Variants in NUB1 observed in about 807,000 individuals in gnomAD.
NUB1 encodes negative regulator of ubiquitin like proteins 1, also known as NEDD8 ultimate buster 1.
In NUB1, 41 loss-of-function variants were observed where a neutral mutation model predicts 77.1. The ratio of observed to expected loss-of-function variants is 0.53; its 90% CI spans 0.41 to 0.69. The LOEUF (loss-of-function observed/expected upper bound fraction) is 0.69. Ranked by LOEUF, NUB1 falls within the 30% of genes least tolerant of loss-of-function variation. The probability of loss-of-function intolerance (pLI) is 0.00; values close to 1 mark genes in which losing one functional copy is unlikely to be tolerated. For missense variants in NUB1, 643 were observed against 743.8 expected (o/e 0.86, Z 1.58); for synonymous variants, 257 against 281.0 (o/e 0.91, Z 0.85).
chr7:151,360,591 A>C (rs1024794759), intron 8 of NUB1: 2 of 197,842 alleles, frequency 1.0e-5, no homozygotes, highest in African/African-American at 4.6e-5. Context: ...CCGTTGTTTA[A>C]GAGCTGTATA....
intron 11 of NUB1, among the ~76,000 whole-genome samples, chr7:151,370,308 C>T (rs1165512951): frequency 3.3e-5 from 5 of 152,016 alleles, no homozygotes; most frequent in Admixed American, 1.3e-4. Context: ...AGGCTGGTCT[C>T]GAACTCCTGA....
intron 7 of NUB1, among the ~76,000 whole-genome samples, chr7:151,358,000 G>A (rs899721727): frequency 9.2e-5 from 14 of 151,616 alleles, no homozygotes; most frequent in Non-Finnish European, 1.8e-4. Flanking sequence ...TGTGTGAGGC[G>A]GAGTCTCGCT....
intron 2 of NUB1, among the ~76,000 whole-genome samples, chr7:151,348,707 C>T (rs1796634354): frequency 6.6e-6 from 1 of 150,582 alleles, no homozygotes; most frequent in Non-Finnish European, 1.5e-5. Flanking sequence ...CCCCAAGTAG[C>T]TGGGCCTACA....
At chr7:151,344,207 A>G (rs1382682266) in intron 1 of NUB1, among the ~76,000 whole-genome samples, 1 of 138,976 alleles carries the variant, frequency 7.2e-6, no homozygotes, top group African/African-American at 2.7e-5. Flanking sequence ...AAAAAAAAAA[A>G]AAAAAAGTAG....
At position 151,367,093 on chromosome 7, in the gene NUB1, G is replaced by A. The variant is rs764136389; in HGVS notation, c.955G>A (p.Gly319Arg). ...CCAGAAATGCTTTAAAAATTGTTAC[G>A]GAGAAAATCATCAGAGACTGGTCCA... ...LAQKCFKNCY[G>R]ENHQRLVHIK... The change falls in exon 9 of 15, where the codon GGA becomes AGA. Residue 319 changes from glycine (G) to arginine (R), a missense_variant. Physicochemically the swap from Gly to Arg is moderately radical, Grantham distance 125. Transcript: ENST00000568733. 1.5e-5 allele frequency: 25 copies of A among 1,613,378 alleles called. 2 individuals carry two copies. In the East Asian group the frequency reaches 2.7e-4, roughly 17 times the overall value.
intron 2 of NUB1, among the ~76,000 whole-genome samples, chr7:151,348,826 C>T (rs999187418): frequency 2.6e-5 from 4 of 152,086 alleles, no homozygotes; most frequent in East Asian, 3.9e-4. Flanking sequence ...GCGCCTGCCT[C>T]GGCCTCCCAA....
chr7:151,344,089 G>T (rs191722239), intron 1 of NUB1, among the ~76,000 whole-genome samples: 365 of 145,454 alleles, frequency 2.5e-3, no homozygotes, highest in African/African-American at 8.7e-3. Context: ...GCTGAGGCAG[G>T]AGAATGGCGT....
intron 5 of NUB1, among the ~76,000 whole-genome samples, chr7:151,353,864 G>A (rs1468511): frequency 6.3e-4 from 96 of 152,242 alleles, no homozygotes; most frequent in African/African-American, 2.0e-3. Flanking sequence ...GCTTTCCAGC[G>A]TCATCTCTAG....
chr7:151,363,215 T>G (rs421975), intron 8 of NUB1, among the ~76,000 whole-genome samples: 14 of 152,058 alleles, frequency 9.2e-5, no homozygotes, highest in Non-Finnish European at 1.8e-4. Context: ...GACAAGGACA[T>G]TAAAACAGTG....
At chr7:151,357,481 A>G (rs1797135093) in intron 7 of NUB1, among the ~76,000 whole-genome samples, 1 of 152,154 alleles carries the variant, frequency 6.6e-6, no homozygotes, top group African/African-American at 2.4e-5. Context: ...AATCTCTGAG[A>G]AAGGGTTCAG....
Position 151,376,750 on chromosome 7 carries a change from G to A in NUB1, c.1608G>A (p.Glu536=). ...LAHNGGSLPP[E]LPLSPEDSLS... is the part of the protein sequence containing the mutation. ...ACAACGGAGGAAGCCTGCCTCCCGA[G>A]CTGCCGCTGTCGCCAGAAGACTCTT... Residue 536 remains glutamate (E), a synonymous_variant, in exon 14 of 15, where the codon GAG becomes GAA. Coordinates refer to ENST00000568733, the MANE Select transcript of NUB1 (RefSeq NM_001243351.2). The A allele has an allele frequency of 6.3e-7, 1 of 1,598,096 alleles. No homozygotes were observed. The highest frequency in any genetic ancestry group is 8.5e-7 in the Non-Finnish European group (1 of 1,173,450).
At chr7:151,342,532 T>C (rs1003519831) in intron 1 of NUB1, among the ~76,000 whole-genome samples, 8 of 152,184 alleles carry the variant, frequency 5.3e-5, no homozygotes, top group Non-Finnish European at 1.5e-5. Flanking sequence ...GTTTCGTCTT[T>C]TCTTAGTTAC....
chr7:151,362,298 T>A (rs1797415680), intron 8 of NUB1, among the ~76,000 whole-genome samples: 1 of 152,182 alleles, frequency 6.6e-6, no homozygotes, highest in South Asian at 2.1e-4. Context: ...GGCCAACTTG[T>A]TAGCATATTT....
chr7:151,371,655 G>T (rs866941661), intron 11 of NUB1, among the ~76,000 whole-genome samples: 1 of 152,198 alleles, frequency 6.6e-6, no homozygotes, highest in Non-Finnish European at 1.5e-5. Context: ...AGCTCCTATC[G>T]GAGCTTTAGA....
chr7:151,370,692 C>T (rs13308382), intron 11 of NUB1, among the ~76,000 whole-genome samples: 1 of 125,014 alleles, frequency 8.0e-6, no homozygotes, highest in Admixed American at 8.3e-5. Context: ...ATCCCTCCCC[C>T]CTCCCCCCAC....
intron 4 of NUB1, chr7:151,352,387 C>G (rs1796853814): frequency 3.5e-6 from 1 of 285,506 alleles, no homozygotes; most frequent in Non-Finnish European, 7.0e-6. Flanking sequence ...CAGTTGAAAT[C>G]CTGGGTGTTT....
Position 151,349,197 on chromosome 7 carries a change from G to A in NUB1, c.242G>A (p.Gly81Glu). The change falls in exon 3 of 15, where the codon GGA (glycine) becomes GAA (glutamate). Residue 81 changes from glycine (G) to glutamate (E), a missense_variant. By Grantham distance (98) the Gly-to-Glu change is moderately conservative (BLOSUM62 -2). Transcript: ENST00000568733. Reference sequence around the variant, plus strand: ...GGAAATGACAATTATAGAACAACGGGAATTGCTACAATCGAGGTGTTTTTA... The same window carrying A: ...GGAAATGACAATTATAGAACAACGGAAATTGCTACAATCGAGGTGTTTTTA... ...GTGNDNYRTT[G>E]IATIEVFLPP... 6.2e-7 allele frequency: 1 copy of A among 1,612,158 alleles called. No homozygotes were observed. Among genetic ancestry groups the A allele is most frequent in the Non-Finnish European group, 8.5e-7 (1 of 1,179,336 alleles).
intron 7 of NUB1, 120 bp downstream of exon 7, chr7:151,356,342 C>T: frequency 5.4e-6 from 4 of 741,920 alleles, no homozygotes; most frequent in Non-Finnish European, 9.4e-6. Context: ...CCATCTCCAG[C>T]CTCGTAAACA....
intron 5 of NUB1, among the ~76,000 whole-genome samples, chr7:151,354,811 C>T (rs1294866503): frequency 6.6e-6 from 1 of 152,180 alleles, no homozygotes; most frequent in Non-Finnish European, 1.5e-5. Flanking sequence ...TGTGCGATTG[C>T]AGCTCACTGC....
Sources: gnomAD v4.1 joint callset for allele counts (sites outside exome capture counted in the v4.1 genomes callset) on GRCh38, gnomAD v4.1.1 for gene constraint, MANE v1.5 for transcripts, NCBI Gene and HGNC (gene_info 2026-07-23, HGNC 2026-07-21) for gene names.